The following PTPRA variants were observed in gnomAD, a reference collection of about 807,000 sequenced individuals.
PTPRA encodes the protein protein tyrosine phosphatase receptor type A, also known as receptor-type tyrosine-protein phosphatase alpha.
A neutral mutation model predicts 104.8 loss-of-function variants in PTPRA; 25 were observed. That is an observed-to-expected ratio of 0.24 (90% CI 0.17 to 0.33). The LOEUF (loss-of-function observed/expected upper bound fraction) is 0.33. Among genes scored for constraint, PTPRA ranks in the 10% least tolerant of loss-of-function variants. The pLI is 1.00. For missense variants in PTPRA, 765 were observed against 1,015.3 expected (o/e 0.75, Z 3.35); for synonymous variants, 323 against 368.9 (o/e 0.88, Z 1.43).
chr20:2,963,826 C>T (rs555757731), intron 3 of PTPRA, among the ~76,000 whole-genome samples: 1 of 152,054 alleles, frequency 6.6e-6, no homozygotes, highest in Non-Finnish European at 1.5e-5. Flanking sequence ...ATCAGTTGAA[C>T]CCAAGAGTTT....
At chr20:3,004,536 C>A (rs2063775785) in intron 9 of PTPRA, among the ~76,000 whole-genome samples, 2 of 150,350 alleles carry the variant, frequency 1.3e-5, no homozygotes. Flanking sequence ...ACCCACCCAC[C>A]AGTCCTTGCT....
Position 3,032,160 on chromosome 20 carries a change from C to G in PTPRA, c.1921-3425C>G, listed in dbSNP as rs540782224. On this transcript the variant is annotated intron_variant, in intron 20 of 23. Transcript: ENST00000399903. ...CAAGAACACTGTCATCCTCCCACCC[C>G]CAAACAACCAGCCTCTTCAAATCTG... 8.7e-4 allele frequency among the ~76,000 whole-genome samples: 132 copies of G among 152,320 alleles called. 1 individual carries two copies. Among genetic ancestry groups the G allele is most frequent in the African/African-American group, 3.0e-3 (123 of 41,576 alleles).
At chr20:2,956,459 T>C (rs1273802241) in intron 3 of PTPRA, among the ~76,000 whole-genome samples, 1 of 152,072 alleles carries the variant, frequency 6.6e-6, no homozygotes, top group Non-Finnish European at 1.5e-5. Flanking sequence ...CAGATATTTA[T>C]TGAAGCCCCC....
At chr20:2,865,241 G>C in the PTPRA span, 1 of 1,614,196 alleles carries the variant, frequency 6.2e-7, no homozygotes, top group Non-Finnish European at 8.5e-7. This position sits in a 1 kb window ranked among gnomAD's most constrained non-coding sequence, Gnocchi z 5.2. Context: ...ACATGACACA[G>C]TTACCACCCT....
intron 1 of PTPRA, among the ~76,000 whole-genome samples, chr20:2,887,240 T>C (rs1051421666): frequency 1.3e-5 from 2 of 152,264 alleles, no homozygotes; most frequent in African/African-American, 4.8e-5. Flanking sequence ...GTGATCATTA[T>C]GTATTTCATT....
intron 1 of PTPRA, among the ~76,000 whole-genome samples, chr20:2,892,308 A>G (rs968221811): frequency 2.1e-4 from 32 of 151,762 alleles, no homozygotes; most frequent in Non-Finnish European, 3.4e-4. Context: ...AAAAAAAAAA[A>G]AAGAAGAGAG....
intron 9 of PTPRA, among the ~76,000 whole-genome samples, chr20:2,999,350 C>G (rs1483258792): frequency 6.6e-6 from 1 of 152,076 alleles, no homozygotes; most frequent in East Asian, 1.9e-4. Flanking sequence ...TGGAACTTGA[C>G]AAGCTGATTC....
intron 20 of PTPRA, among the ~76,000 whole-genome samples, chr20:3,034,755 T>G (rs1199382496): frequency 6.6e-6 from 1 of 152,158 alleles, no homozygotes; most frequent in African/African-American, 2.4e-5. Context: ...TTCCAAATCT[T>G]TCAATGACAT....
At chr20:2,941,588 G>A (rs1490125463) in intron 2 of PTPRA, among the ~76,000 whole-genome samples, 3 of 152,188 alleles carry the variant, frequency 2.0e-5, no homozygotes, top group Admixed American at 6.5e-5. Flanking sequence ...GCAGGGCAGG[G>A]AGGTCACTGT....
intron 1 of PTPRA, among the ~76,000 whole-genome samples, chr20:2,886,610 C>T (rs963487684): frequency 2.0e-5 from 3 of 151,096 alleles, no homozygotes; most frequent in African/African-American, 4.9e-5. Context: ...TTTGGGAGGC[C>T]GAGGCGGGCG....
At position 3,005,071 on chromosome 20, in the gene PTPRA, C is replaced by G; in HGVS notation, c.754C>G (p.Pro252Ala). ...AACCTTTCAGGCTCTCCCTGCATGT[C>G]CTATCCAGGCCACCTGTGAGGCTGC... is the stretch of plus-strand genomic sequence containing the variant. ...REEFNALPAC[P>A]IQATCEAASK... The change falls in exon 10 of 24, where the codon CCT becomes GCT. Residue 252 changes from proline (P) to alanine (A), a missense_variant. Physicochemically the swap from Pro to Ala is conservative, Grantham distance 27. Coordinates refer to ENST00000399903, the MANE Select transcript of PTPRA (RefSeq NM_001385305.1). 1 of 1,608,224 alleles carries G rather than the reference C, an allele frequency of 6.2e-7. No homozygotes were observed. The highest frequency in any genetic ancestry group is 1.1e-5 in the South Asian group (1 of 90,866).
rs752570791 is a variant in PTPRA, at chr20:2,965,205, AC to A, written c.415+4del. The A allele has an allele frequency of 6.3e-7, 1 of 1,591,350 alleles. No homozygotes were observed. Among genetic ancestry groups the A allele is most frequent in the Non-Finnish European group, 8.6e-7 (1 of 1,162,770 alleles). On this transcript the variant is annotated splice_donor_region_variant and intron_variant, in intron 5 of 23. Transcript: ENST00000399903. ...TCCAGAAACTTTCCCTCCTTCAGGT[AC>A]TAGAGATGATTCTGTTTGTTCTTTT...
At chr20:2,885,914 A>T (rs1219433887) in intron 1 of PTPRA, among the ~76,000 whole-genome samples, 1 of 151,826 alleles carries the variant, frequency 6.6e-6, no homozygotes, top group African/African-American at 2.4e-5. Flanking sequence ...AAATACAAAA[A>T]TTAGCTGGGC....
chr20:3,023,765 T>C (rs2065001594), intron 16 of PTPRA, among the ~76,000 whole-genome samples: 1 of 152,220 alleles, frequency 6.6e-6, no homozygotes, highest in Non-Finnish European at 1.5e-5. Context: ...ATGTCCTCCG[T>C]ATGCTGAGCA....
At chr20:3,030,526 A>G (rs2065387442) in intron 20 of PTPRA, among the ~76,000 whole-genome samples, 1 of 152,156 alleles carries the variant, frequency 6.6e-6, no homozygotes, top group Admixed American at 6.5e-5. Context: ...AAATGATGCA[A>G]TGAAAGGTGC....
intron 6 of PTPRA, among the ~76,000 whole-genome samples, chr20:2,985,228 A>C (rs1185105429): frequency 6.6e-6 from 1 of 152,254 alleles, no homozygotes; most frequent in Non-Finnish European, 1.5e-5. Context: ...GTTTAAACAG[A>C]GCACTGAGGG....
chr20:2,940,646 G>A (rs900923684), intron 2 of PTPRA, among the ~76,000 whole-genome samples: 5 of 151,914 alleles, frequency 3.3e-5, no homozygotes, highest in African/African-American at 4.8e-5. Flanking sequence ...CTTCAGCCTC[G>A]ACCTCCCAGG....
intron 3 of PTPRA, among the ~76,000 whole-genome samples, chr20:2,963,183 T>G (rs1488793646): frequency 6.6e-6 from 1 of 152,218 alleles, no homozygotes; most frequent in Non-Finnish European, 1.5e-5. Context: ...TCAGCCTACC[T>G]TCTCCATACT....
intron 2 of PTPRA, among the ~76,000 whole-genome samples, chr20:2,935,486 C>A (rs1487373137): frequency 1.3e-5 from 2 of 152,164 alleles, no homozygotes; most frequent in Non-Finnish European, 2.9e-5. Flanking sequence ...CTTCAACATA[C>A]CCATATTAGT....
Sources: allele counts gnomAD v4.1 joint callset (sites outside exome capture counted in the v4.1 genomes callset), GRCh38; gene constraint gnomAD v4.1.1; non-coding constraint Gnocchi (gnomAD v3.1); transcripts MANE v1.5; gene names NCBI Gene and HGNC (gene_info 2026-07-23, HGNC 2026-07-21).